The following DZIP1L variants were observed in gnomAD, a reference collection of about 807,000 sequenced individuals.
DZIP1L encodes cilium assembly protein DZIP1L.
Under a neutral mutation model 88.7 loss-of-function variants are expected in DZIP1L, and 90 were observed. That is an observed-to-expected ratio of 1.02 (90% CI 0.86 to 1.21). The LOEUF (loss-of-function observed/expected upper bound fraction) is 1.21, where lower values mean the gene tolerates loss of function less well. Ranked by LOEUF, DZIP1L falls within the 50% of genes most tolerant of loss-of-function variation. The pLI, the probability that DZIP1L is intolerant of heterozygous loss-of-function variation, is 0.00. For missense variants in DZIP1L, 932 were observed against 955.8 expected (o/e 0.98, Z 0.33); for synonymous variants, 363 against 372.1 (o/e 0.98, Z 0.28).
At chr3:138,105,559 G>A in intron 1 of DZIP1L, among the ~76,000 whole-genome samples, 1 of 151,984 alleles carries the variant, frequency 6.6e-6, no homozygotes, top group East Asian at 1.9e-4. Flanking sequence ...CTAATACAAT[G>A]TAAATGCTAT....
intron 11 of DZIP1L, among the ~76,000 whole-genome samples, chr3:138,076,657 T>C (rs562341691): frequency 6.6e-6 from 1 of 152,264 alleles, no homozygotes; most frequent in East Asian, 1.9e-4. Context: ...AACTCAGGAA[T>C]GGAAAACCAA....
In DZIP1L at chr3:138,068,350, T is replaced by A. The variant is rs446644; in HGVS notation, c.1633A>T (p.Thr545Ser). 23 of 1,535,426 alleles carry A rather than the reference T, an allele frequency of 1.5e-5. No homozygotes were observed. Among genetic ancestry groups the A allele is most frequent in the Non-Finnish European group, 2.0e-5 (23 of 1,137,390 alleles). Residue 545 changes from threonine to serine, a missense_variant, in exon 13 of 16, where the codon ACA (threonine) becomes TCA (serine). Physicochemically the swap from Thr to Ser is moderately conservative, Grantham distance 58. Coordinates refer to ENST00000327532, the MANE Select transcript of DZIP1L (RefSeq NM_173543.3). ...GQPSVKSQQS[T>S]LVTREAQPKT... The stretch of plus-strand genomic sequence containing the variant: ...GGCTGGGCCTCTCTGGTGACCAGTG[T>A]GCTCTGCTGGCTTTTGACTGGAAAC...
intron 5 of DZIP1L, chr3:138,089,179 G>A: frequency 1.0e-6 from 1 of 985,388 alleles, no homozygotes; most frequent in South Asian, 4.7e-5. Flanking sequence ...AACTCCAAGT[G>A]CCTAAGTTTA....
intron 1 of DZIP1L, among the ~76,000 whole-genome samples, chr3:138,106,207 C>T (rs1481370964): frequency 2.2e-5 from 3 of 133,382 alleles, no homozygotes; most frequent in Admixed American, 8.6e-5. Context: ...GGCGCGATCT[C>T]GGCTTACTGC....
chr3:138,062,817 C>T lies in DZIP1L; in HGVS notation c.2303G>A (p.Ter768=). 1.2e-6 allele frequency: 2 copies of T among 1,613,850 alleles called. No homozygotes were observed. The highest frequency in any genetic ancestry group is 1.7e-6 in the Non-Finnish European group (2 of 1,180,022). Reference sequence around the variant, plus strand: ...TAGCCAGCTAGCTTCTGGGGTGAATCACCAGGCAGGGACCCTGGGTTGGCC... The same window carrying T: ...TAGCCAGCTAGCTTCTGGGGTGAATTACCAGGCAGGGACCCTGGGTTGGCC... The part of the protein sequence containing the change: ...SSGQPRVPAW[*] Residue 768 remains the stop codon, a stop_retained_variant, in exon 16 of 16, where the codon TGA becomes TAA. Transcript: ENST00000327532.
intron 5 of DZIP1L, 94 bp downstream of exon 5, chr3:138,092,289 C>T: frequency 7.4e-7 from 1 of 1,346,814 alleles, no homozygotes; most frequent in Non-Finnish European, 9.8e-7. Context: ...TAGCTTCCAA[C>T]AGCAGATGAA....
At chr3:138,098,878 G>A (rs981710971) in intron 2 of DZIP1L, among the ~76,000 whole-genome samples, 4 of 152,196 alleles carry the variant, frequency 2.6e-5, no homozygotes, top group African/African-American at 7.2e-5. Flanking sequence ...GGGCACAGTG[G>A]CTCACACTTA....
chr3:138,089,670 AC>A (rs2107800780), intron 5 of DZIP1L, among the ~76,000 whole-genome samples: 1 of 152,198 alleles, frequency 6.6e-6, no homozygotes, highest in South Asian at 2.1e-4. Context: ...GCTGGTTTTT[AC>A]CCTTAAAATT....
Position 138,062,798 on chromosome 3 carries a change from G to C in DZIP1L, c.*18C>G, listed in dbSNP as rs756771119. 6.2e-7 allele frequency: 1 copy of C among 1,613,188 alleles called. No individual in the cohort carries two copies. Among genetic ancestry groups the C allele is most frequent in the Admixed American group, 1.7e-5 (1 of 60,004 alleles). On this transcript the variant is annotated 3_prime_UTR_variant, in exon 16 of 16. Transcript: ENST00000327532. ...CCCAGCCAGGCTAACCCTCTAGCCAGCTAGCTTCTGGGGTGAATCACCAGG... is the reference window on the plus strand; with the variant it reads ...CCCAGCCAGGCTAACCCTCTAGCCACCTAGCTTCTGGGGTGAATCACCAGG...
intron 7 of DZIP1L, among the ~76,000 whole-genome samples, chr3:138,085,632 A>G (rs1324389069): frequency 6.6e-6 from 1 of 152,148 alleles, no homozygotes; most frequent in Non-Finnish European, 1.5e-5. Flanking sequence ...GATGTGGAGA[A>G]ATAGGAACAC....
chr3:138,068,915 G>C, intron 12 of DZIP1L: 18 of 1,254,630 alleles, frequency 1.4e-5, no homozygotes, highest in Non-Finnish European at 1.8e-5. Context: ...GAGCGGTCCC[G>C]GATCAGCAAG....
At chr3:138,079,787 C>T (rs1286757673) in intron 10 of DZIP1L, among the ~76,000 whole-genome samples, 1 of 152,046 alleles carries the variant, frequency 6.6e-6, no homozygotes, top group Non-Finnish European at 1.5e-5. Context: ...AAATAAAATA[C>T]CCCATGATGA....
intron 8 of DZIP1L, 153 bp from the exon 9 acceptor site, chr3:138,081,917 C>T (rs1411531667): frequency 5.0e-6 from 3 of 601,138 alleles, no homozygotes; most frequent in Admixed American, 7.1e-5. Context: ...TGCACCACCC[C>T]AGCCCCCTGA....
chr3:138,070,479 T>C (rs1054447371), intron 12 of DZIP1L, among the ~76,000 whole-genome samples: 4 of 152,164 alleles, frequency 2.6e-5, no homozygotes, highest in Non-Finnish European at 5.9e-5. Context: ...AATACATTTT[T>C]TTACCATATT....
At chr3:138,091,224 C>A (rs1187338090) in intron 5 of DZIP1L, among the ~76,000 whole-genome samples, 1 of 151,882 alleles carries the variant, frequency 6.6e-6, no homozygotes, top group Non-Finnish European at 1.5e-5. Context: ...AAGAATAGGA[C>A]CTTTGGAAAT....
Position 138,084,272 on chromosome 3 carries a change from C to T in DZIP1L, c.1063-19G>A, listed in dbSNP as rs777493548. 1.9e-6 allele frequency: 3 copies of T among 1,611,302 alleles called. No individual in the cohort carries two copies. The African/African-American group carries it at 4.0e-5, about 22-fold the overall frequency. ...CCTGTAGCTGGCAGGCACAAGATGG[C>T]TGGTCAGTCAAATGTCTGCAGGGAC... On this transcript the variant is annotated intron_variant, in intron 7 of 15. Transcript: ENST00000327532.
intron 7 of DZIP1L, among the ~76,000 whole-genome samples, chr3:138,086,735 G>A (rs1357391399): frequency 6.6e-6 from 1 of 152,184 alleles, no homozygotes; most frequent in Non-Finnish European, 1.5e-5. Flanking sequence ...CGATTCAGAG[G>A]AGAAGGCCTG....
At chr3:138,101,627 T>C in intron 2 of DZIP1L, 1 of 795,682 alleles carries the variant, frequency 1.3e-6, no homozygotes. Flanking sequence ...AGGCCGTAGC[T>C]GAGGCCAGGG....
chr3:138,084,265 A>T lies in DZIP1L; in HGVS notation c.1063-12T>A, dbSNP rs769242948. ...TTCTCCTCCTGTAGCTGGCAGGCAC[A>T]AGATGGCTGGTCAGTCAAATGTCTG... On this transcript the variant is annotated splice_polypyrimidine_tract_variant and intron_variant, in intron 7 of 15. Transcript: ENST00000327532. 6.8e-6 allele frequency: 11 copies of T among 1,612,602 alleles called. No individual in the cohort carries two copies. The South Asian group carries it at 1.2e-4, about 18-fold the overall frequency.
Sources: allele counts gnomAD v4.1 joint callset (sites outside exome capture counted in the v4.1 genomes callset), GRCh38; gene constraint gnomAD v4.1.1; transcripts MANE v1.5; gene names NCBI Gene and HGNC (gene_info 2026-07-23, HGNC 2026-07-21).